Variants in CLOCK observed in about 807,000 individuals in gnomAD.
The protein encoded by CLOCK is circadian locomoter output cycles protein kaput.
CLOCK carries 43 observed loss-of-function variants against 118.4 expected under a neutral mutation model. The observed-to-expected ratio is 0.36, with a 90% CI of 0.28 to 0.47. The LOEUF is 0.47. Among genes scored for constraint, CLOCK ranks in the 20% least tolerant of loss-of-function variants. The pLI, the probability that CLOCK is intolerant of heterozygous loss-of-function variation, is 1.00. For synonymous variants in CLOCK, 326 were observed against 339.2 expected, an observed-to-expected ratio of 0.96 and a Z score of 0.43; for missense variants, 846 against 999.9, an observed-to-expected ratio of 0.85 and a Z score of 2.08.
chr4:55,451,711 T>C (rs1397253932), intron 15 of CLOCK, among the ~76,000 whole-genome samples: 2 of 152,220 alleles, frequency 1.3e-5, no homozygotes, highest in Admixed American at 6.5e-5. Context: ...TCAGTTTTCA[T>C]AATGGTCCCC....
intron 1 of CLOCK, 72 bp from the exon 2 acceptor site, chr4:55,510,137 T>G (rs1437501655): frequency 6.6e-6 from 1 of 152,234 alleles, no homozygotes; most frequent in Non-Finnish European, 1.5e-5. Context: ...AGTATTTTTG[T>G]TTCATCGACG....
chr4:55,457,954 C>T (rs913455741), intron 11 of CLOCK, among the ~76,000 whole-genome samples: 1 of 152,108 alleles, frequency 6.6e-6, no homozygotes, highest in Admixed American at 6.5e-5. Context: ...ATATAAAATA[C>T]ACAGCATGTA....
intron 2 of CLOCK, among the ~76,000 whole-genome samples, chr4:55,506,673 T>C (rs1169668845): frequency 6.6e-6 from 1 of 152,006 alleles, no homozygotes; most frequent in Admixed American, 6.6e-5. Flanking sequence ...CAATTCTCTG[T>C]CTCAGCCTCC....
At chr4:55,494,272 A>G (rs1422625622) in intron 2 of CLOCK, among the ~76,000 whole-genome samples, 5 of 152,144 alleles carry the variant, frequency 3.3e-5, no homozygotes, top group African/African-American at 1.2e-4. Flanking sequence ...AGAAAGAGGG[A>G]GCCCTGTGGT....
chr4:55,458,709 G>A (rs769876822), intron 11 of CLOCK, among the ~76,000 whole-genome samples, 183 bp downstream of exon 11: 8 of 151,972 alleles, frequency 5.3e-5, no homozygotes, highest in Non-Finnish European at 1.0e-4. Flanking sequence ...TAACTGCAAA[G>A]GATATATACT....
intron 22 of CLOCK, 54 bp from the exon 23 acceptor site, chr4:55,435,648 A>AT: frequency 6.4e-7 from 1 of 1,571,200 alleles, no homozygotes; most frequent in Non-Finnish European, 8.8e-7. Flanking sequence ...TGGCACCCAC[A>AT]TAATAGTTAC....
At chr4:55,512,125 T>C (rs927178743) in intron 1 of CLOCK, among the ~76,000 whole-genome samples, 39 of 152,232 alleles carry the variant, frequency 2.6e-4, no homozygotes, top group South Asian at 4.2e-4. Flanking sequence ...CTAGATCATA[T>C]GGTAAGACTA....
chr4:55,463,966 A>C, intron 8 of CLOCK, among the ~76,000 whole-genome samples, 161 bp from the exon 9 acceptor site: 1 of 152,258 alleles, frequency 6.6e-6, no homozygotes, highest in Non-Finnish European at 1.5e-5. Context: ...TAAGATTGAG[A>C]TCATACTAAC....
chr4:55,499,427 G>A (rs957316029), intron 2 of CLOCK, among the ~76,000 whole-genome samples: 2 of 152,188 alleles, frequency 1.3e-5, no homozygotes, highest in African/African-American at 4.8e-5. Flanking sequence ...ACACTTGTTA[G>A]GGATGGTTTC....
Position 55,435,383 on chromosome 4 carries a change from C to T in CLOCK, c.*32G>A. 1.9e-6 allele frequency: 3 copies of T among 1,613,178 alleles called. 1 individual carries two copies. The South Asian group carries it at 3.3e-5, about 18-fold the overall frequency. ...TAACTCTTAATGGGCCATCCCCTTC[C>T]TCCCTTGATGTCAAGAGAGGAAGCA... is the stretch of plus-strand genomic sequence containing the variant. On this transcript the variant is annotated 3_prime_UTR_variant, in exon 23 of 23. Coordinates refer to ENST00000513440, the MANE Select transcript of CLOCK (RefSeq NM_004898.4).
At chr4:55,503,992 A>G (rs1311041384) in intron 2 of CLOCK, among the ~76,000 whole-genome samples, 4 of 147,526 alleles carry the variant, frequency 2.7e-5, no homozygotes, top group Admixed American at 6.8e-5. Flanking sequence ...AAAAAAAAAA[A>G]AAAAAAAAAA....
At chr4:55,485,013 G>A (rs57338268) in intron 3 of CLOCK, among the ~76,000 whole-genome samples, 37,381 of 151,898 alleles carry the variant, frequency 0.25, 4,910 homozygotes, top group South Asian at 0.37. Context: ...GCCCAGGCTG[G>A]AGTGCAGTGG....
At chr4:55,521,453 G>A (rs1202351730) in intron 1 of CLOCK, among the ~76,000 whole-genome samples, 1 of 152,178 alleles carries the variant, frequency 6.6e-6, no homozygotes, top group Non-Finnish European at 1.5e-5. Flanking sequence ...CCTGACCTAA[G>A]GTGATCCACC....
chr4:55,533,156 CCCAAGTAG>C (rs899173184), intron 1 of CLOCK, among the ~76,000 whole-genome samples: 10 of 152,008 alleles, frequency 6.6e-5, no homozygotes, highest in African/African-American at 2.4e-4. Context: ...TCAAGGGACC[CCCAAGTAG>C]CCAAACCAGT....
chr4:55,541,277 C>T (rs1286896612), intron 1 of CLOCK, among the ~76,000 whole-genome samples: 1 of 152,172 alleles, frequency 6.6e-6, no homozygotes, highest in Non-Finnish European at 1.5e-5. Flanking sequence ...TAATTATAGT[C>T]AATTAGTAAC....
chr4:55,467,913 A>C (rs1725844805), intron 8 of CLOCK, among the ~76,000 whole-genome samples: 1 of 152,208 alleles, frequency 6.6e-6, no homozygotes, highest in South Asian at 2.1e-4. Context: ...GTATGAACCA[A>C]AGAAATTAGC....
rs778661368 is a variant in CLOCK, at chr4:55,482,793, T to G, written c.-8A>C. 1 of 1,606,202 alleles carries G rather than the reference T, an allele frequency of 6.2e-7. No individual in the cohort carries two copies. The highest frequency in any genetic ancestry group is 1.1e-5 in the South Asian group (1 of 89,812). ...GCTTACGGTAAACAACATAACATACTACGTTTTCGTCTTGTAGTAGACATT... is the reference window on the plus strand; with the variant it reads ...GCTTACGGTAAACAACATAACATACGACGTTTTCGTCTTGTAGTAGACATT... On this transcript the variant is annotated 5_prime_UTR_variant, in exon 4 of 23. Coordinates refer to ENST00000513440, the MANE Select transcript of CLOCK (RefSeq NM_004898.4).
rs1288728039 is a variant in CLOCK, at chr4:55,435,168, T to A, written c.*247A>T. 1.2e-5 allele frequency: 6 copies of A among 519,972 alleles called. No homozygotes were observed. Among genetic ancestry groups the A allele is most frequent in the Non-Finnish European group, 2.1e-5 (6 of 286,154 alleles). 32.2% of individuals were successfully genotyped at this position (519,972 alleles called of 1,614,324 possible). A position where few individuals can be genotyped will look rare whatever the true frequency, so the allele number is the denominator to read the frequency against. ...AATATATTCTTTTTCCATCAAAAAA[T>A]ATCCAGGCACCTAAAACACTGTCAG... On this transcript the variant is annotated 3_prime_UTR_variant, in exon 23 of 23. Transcript: ENST00000513440.
In CLOCK at chr4:55,438,487, G is replaced by A; in HGVS notation, c.2156C>T (p.Ala719Val). The A allele has an allele frequency of 6.2e-7, 1 of 1,613,798 alleles. No homozygotes were observed. The highest frequency in any genetic ancestry group is 8.5e-7 in the Non-Finnish European group (1 of 1,180,002). Residue 719 changes from alanine (A) to valine (V), a missense_variant, in exon 22 of 23, where the codon GCT becomes GTT. By Grantham distance (64) the Ala-to-Val change is moderately conservative. Around this residue, in one of 4 missense-constraint regions of CLOCK, gnomAD observed 520 missense variants for 558.0 expected, o/e 0.93. Coordinates refer to ENST00000513440, the MANE Select transcript of CLOCK (RefSeq NM_004898.4). ...ACTAGGTACCATGACTGCCCCACAA[G>A]CTACAGGAGCAGTCACTAATTTGGT... ...LVTKLVTAPV[A>V]CGAVMVPSTM...
Sources: gnomAD v4.1 joint callset for allele counts (sites outside exome capture counted in the v4.1 genomes callset) on GRCh38, gnomAD v4.1.1 for gene constraint, gnomAD v4.1.1 regional missense constraint, MANE v1.5 for transcripts, NCBI Gene and HGNC (gene_info 2026-07-23, HGNC 2026-07-21) for gene names.